The following OTUD7B variants were observed in gnomAD, a reference collection of about 807,000 sequenced individuals.
OTUD7B encodes the protein OTU deubiquitinase 7B.
OTUD7B carries 34 observed loss-of-function variants against 82.2 expected under a neutral mutation model. The observed-to-expected ratio is 0.41, with a 90% CI of 0.31 to 0.55. OTUD7B has a LOEUF of 0.55. Among genes scored for constraint, OTUD7B ranks in the 20% least tolerant of loss-of-function variants. The pLI is 0.20. For synonymous variants in OTUD7B, 398 were observed against 402.7 expected (o/e 0.99, Z 0.14); for missense variants, 944 against 1,062.1 (o/e 0.89, Z 1.55).
intron 7 of OTUD7B, among the ~76,000 whole-genome samples, chr1:149,952,844 G>A (rs948134675): frequency 2.0e-5 from 3 of 152,316 alleles, no homozygotes; most frequent in East Asian, 3.9e-4. Flanking sequence ...CTGCATAAAT[G>A]TCTTCTTTTG....
At chr1:150,028,347 A>T in the OTUD7B span, among the ~76,000 whole-genome samples, 2 of 152,256 alleles carry the variant, frequency 1.3e-5, no homozygotes, top group Non-Finnish European at 2.9e-5. Flanking sequence ...GGGCAAAGCC[A>T]AATTAAGAGA....
intron 1 of OTUD7B, among the ~76,000 whole-genome samples, chr1:149,981,447 C>G (rs1350980314): frequency 1.3e-5 from 2 of 152,188 alleles, no homozygotes; most frequent in African/African-American, 4.8e-5. Context: ...TATCACCAGC[C>G]TCACACCCCA....
chr1:149,959,085 G>A (rs1648944347), intron 7 of OTUD7B, among the ~76,000 whole-genome samples: 1 of 151,960 alleles, frequency 6.6e-6, no homozygotes, highest in African/African-American at 2.4e-5. Flanking sequence ...AGCTGGGCGT[G>A]GTGGCATGCA....
chr1:149,995,204 G>A (rs16832989), intron 1 of OTUD7B, among the ~76,000 whole-genome samples: 3,193 of 152,180 alleles, frequency 0.021, 91 homozygotes, highest in African/African-American at 0.07. Context: ...AAATCATCTC[G>A]CTAACCTCAT....
chr1:149,989,095 T>A (rs782665469), intron 1 of OTUD7B, among the ~76,000 whole-genome samples: 1 of 152,198 alleles, frequency 6.6e-6, no homozygotes, highest in Non-Finnish European at 1.5e-5. Context: ...CTCTTGGTTA[T>A]CCACAGGAAA....
chr1:150,064,036 T>G, the OTUD7B span, among the ~76,000 whole-genome samples: 8 of 152,234 alleles, frequency 5.3e-5, no homozygotes, highest in Non-Finnish European at 1.2e-4. Context: ...GATGACATTT[T>G]CTGAAATTGA....
At position 149,944,939 on chromosome 1, in the gene OTUD7B, G is replaced by A. The variant is rs782602473; in HGVS notation, c.1450C>T (p.Arg484Trp). ...CGATCTCGCTTTGACTTCTCCTTCC[G>A]CCGGCCGCCCTCGTTGCTGGTGGAA... ...SSSTSNEGGR[R>W]KEKSKRDREK... is the part of the protein sequence containing the mutation. The change falls in exon 12 of 12, where the codon CGG (arginine) becomes TGG (tryptophan). Residue 484 changes from arginine to tryptophan, a missense_variant. Coordinates refer to ENST00000581312, the MANE Select transcript of OTUD7B (RefSeq NM_020205.4). The A allele has an allele frequency of 1.1e-4, 174 of 1,613,948 alleles. No individual in the cohort carries two copies. Among genetic ancestry groups the A allele is most frequent in the Middle Eastern group, 3.3e-4 (2 of 6,084 alleles).
chr1:149,967,330 T>A lies in OTUD7B; in HGVS notation c.466A>T (p.Ile156Phe). ...AAGGCAACCAGCATGGACTGCTCAA[T>A]GAGGTCTCTCTCTATGAAGCTGCGG... ...DFRSFIERDL[I>F]EQSMLVALEQ... Residue 156 changes from isoleucine to phenylalanine, a missense_variant, in exon 4 of 12, where the codon ATT becomes TTT. Ile to Phe is a conservative substitution (Grantham distance 21). Coordinates refer to ENST00000581312, the MANE Select transcript of OTUD7B (RefSeq NM_020205.4). The A allele has an allele frequency of 6.2e-7, 1 of 1,614,054 alleles. No individual in the cohort carries two copies. Among genetic ancestry groups the A allele is most frequent in the Non-Finnish European group, 8.5e-7 (1 of 1,179,958 alleles).
chr1:150,023,699 T>C, the OTUD7B span, among the ~76,000 whole-genome samples: 3 of 152,160 alleles, frequency 2.0e-5, no homozygotes, highest in Admixed American at 6.6e-5. Context: ...AAAGAGTAAG[T>C]TTTAGAGATC....
the OTUD7B span, among the ~76,000 whole-genome samples, chr1:150,017,443 T>C: frequency 1.3e-3 from 196 of 152,180 alleles, 1 homozygote; most frequent in Non-Finnish European, 2.4e-3. Context: ...TAGCAACAAG[T>C]AGGTAGAGAA....
the OTUD7B span, among the ~76,000 whole-genome samples, chr1:150,028,613 C>T: frequency 6.6e-6 from 1 of 152,210 alleles, no homozygotes; most frequent in African/African-American, 2.4e-5. Flanking sequence ...CTCCCTGTTC[C>T]CCCTAACCCT....
At chr1:150,063,798 C>T in the OTUD7B span, among the ~76,000 whole-genome samples, 3 of 152,306 alleles carry the variant, frequency 2.0e-5, no homozygotes, top group Middle Eastern at 0.01. Context: ...CAGCACATCA[C>T]AGTTGGTGAA....
upstream of OTUD7B, among the ~76,000 whole-genome samples, chr1:150,013,635 G>C (rs1553787862): frequency 6.6e-6 from 1 of 151,782 alleles, no homozygotes; most frequent in Admixed American, 6.6e-5. Context: ...AAAATATCTA[G>C]GGCTCGGCTG....
At chr1:150,062,170 G>C in the OTUD7B span, among the ~76,000 whole-genome samples, 1 of 152,184 alleles carries the variant, frequency 6.6e-6, no homozygotes, top group Non-Finnish European at 1.5e-5. Flanking sequence ...TTCCATGGAA[G>C]GAAGAGGGAA....
intron 7 of OTUD7B, among the ~76,000 whole-genome samples, chr1:149,959,387 T>G (rs1648972798): frequency 6.6e-6 from 1 of 152,144 alleles, no homozygotes; most frequent in African/African-American, 2.4e-5. Flanking sequence ...TTTAGTCCAT[T>G]TAAACCTACA....
the OTUD7B span, among the ~76,000 whole-genome samples, chr1:150,016,548 G>A: frequency 1.9e-4 from 28 of 148,176 alleles, 2 homozygotes; most frequent in East Asian, 4.7e-3. Context: ...TCTGCCTCCC[G>A]GGTTCAAACT....
At chr1:150,059,088 C>G in the OTUD7B span, among the ~76,000 whole-genome samples, 1 of 130,800 alleles carries the variant, frequency 7.6e-6, no homozygotes, top group East Asian at 2.3e-4. Flanking sequence ...GAGTCTTACT[C>G]TCTTGGCCAG....
the OTUD7B span, among the ~76,000 whole-genome samples, chr1:150,016,555 A>G: frequency 6.6e-6 from 1 of 151,486 alleles, no homozygotes; most frequent in Admixed American, 6.6e-5. Context: ...CCCGGGTTCA[A>G]ACTTCTCCTG....
At chr1:150,051,238 A>AAC in the OTUD7B span, among the ~76,000 whole-genome samples, 1 of 150,888 alleles carries the variant, frequency 6.6e-6, no homozygotes, top group African/African-American at 2.4e-5. Flanking sequence ...TCAAAAAAAA[A>AAC]AAAAAAAAAA....
Sources: allele counts gnomAD v4.1 joint callset (sites outside exome capture counted in the v4.1 genomes callset), GRCh38; gene constraint gnomAD v4.1.1; transcripts MANE v1.5; gene names NCBI Gene and HGNC (gene_info 2026-07-23, HGNC 2026-07-21).